NCOA2: variants seen among roughly 807,000 people sequenced by gnomAD.
NCOA2 encodes the protein nuclear receptor coactivator 2.
NCOA2 carries 21 observed loss-of-function variants against 145.1 expected under a neutral mutation model. The observed-to-expected ratio is 0.14, with a 90% CI of 0.10 to 0.21. The LOEUF (loss-of-function observed/expected upper bound fraction) is 0.21, where lower values mean the gene tolerates loss of function less well. NCOA2 is among the 10% of genes least tolerant of loss of function. The probability of loss-of-function intolerance (pLI) is 1.00; values close to 1 mark genes in which losing one functional copy is unlikely to be tolerated. For synonymous variants in NCOA2, 619 were observed against 637.5 expected (o/e 0.97, Z 0.44); for missense variants, 1,472 against 1,837.6 (o/e 0.80, Z 3.64).
At chr8:70,184,273 T>A (rs1815800523) in intron 4 of NCOA2, among the ~76,000 whole-genome samples, 1 of 152,188 alleles carries the variant, frequency 6.6e-6, no homozygotes, top group Admixed American at 6.5e-5. Context: ...CAGATTCTCA[T>A]CTAGGAAGTT....
chr8:70,430,742 G>A, the NCOA2 span, among the ~76,000 whole-genome samples: 2 of 152,158 alleles, frequency 1.3e-5, no homozygotes, highest in Non-Finnish European at 2.9e-5. Context: ...TTGGAGTGAG[G>A]AGGAAGACAC....
chr8:70,380,010 C>T lies in NCOA2; in HGVS notation c.-77+23690G>A, dbSNP rs16936959. Among the ~76,000 whole-genome samples the T allele has an allele frequency of 3.9e-3, 590 of 152,090 alleles. 10 individuals carry two copies. Among genetic ancestry groups the T allele is most frequent in the African/African-American group, 0.014 (565 of 41,460 alleles). On this transcript the variant is annotated intron_variant, in intron 1 of 22. Coordinates refer to ENST00000452400, the MANE Select transcript of NCOA2 (RefSeq NM_006540.4). ...TAATGAGGCTCAAAAAAAAGGCAGT[C>T]GGATTAGTTCTAAGTGCTCTGAATA...
At chr8:70,279,710 G>T (rs996371953) in intron 2 of NCOA2, among the ~76,000 whole-genome samples, 1 of 152,204 alleles carries the variant, frequency 6.6e-6, no homozygotes, top group Non-Finnish European at 1.5e-5. Flanking sequence ...ACATGGACCA[G>T]TGAGAGTCAT....
At chr8:70,121,271 C>T in intron 22 of NCOA2, 31 bp downstream of exon 22, 1 of 1,560,984 alleles carries the variant, frequency 6.4e-7, no homozygotes, top group Non-Finnish European at 8.8e-7. Context: ...GCTTTACTTC[C>T]ATATTCATAT....
intron 12 of NCOA2, among the ~76,000 whole-genome samples, chr8:70,147,120 G>T (rs573646242): frequency 2.0e-5 from 3 of 150,574 alleles, no homozygotes; most frequent in Non-Finnish European, 2.9e-5. Flanking sequence ...TCGCGCGCGC[G>T]CGCGCGCGTG....
intron 4 of NCOA2, among the ~76,000 whole-genome samples, chr8:70,180,782 C>CT (rs2132960460): frequency 6.6e-6 from 1 of 152,302 alleles, no homozygotes; most frequent in South Asian, 2.1e-4. Context: ...TCATCACACA[C>CT]TACAGCCTTG....
At chr8:70,187,147 G>A (rs1362482360) in intron 4 of NCOA2, among the ~76,000 whole-genome samples, 1 of 152,190 alleles carries the variant, frequency 6.6e-6, no homozygotes. Context: ...GAAGCAGTGA[G>A]GGCCTTAGAA....
chr8:70,207,338 T>C (rs1818545724), intron 4 of NCOA2, among the ~76,000 whole-genome samples: 1 of 152,140 alleles, frequency 6.6e-6, no homozygotes, highest in Admixed American at 6.5e-5. Flanking sequence ...CCTAAAGCAT[T>C]ATAACACATT....
intron 4 of NCOA2, among the ~76,000 whole-genome samples, chr8:70,207,103 G>A (rs138129364): frequency 9.9e-4 from 151 of 152,110 alleles, no homozygotes; most frequent in African/African-American, 3.2e-3. Context: ...ATAACCATAC[G>A]TTTTATATAT....
At chr8:70,384,106 T>C (rs954756733) in intron 1 of NCOA2, among the ~76,000 whole-genome samples, 1 of 152,180 alleles carries the variant, frequency 6.6e-6, no homozygotes, top group East Asian at 1.9e-4. Flanking sequence ...AGAACCAACT[T>C]ATCCCTATGG....
intron 4 of NCOA2, among the ~76,000 whole-genome samples, chr8:70,206,567 G>A (rs1000852657): frequency 6.6e-6 from 1 of 152,014 alleles, no homozygotes; most frequent in African/African-American, 2.4e-5. Context: ...TCCAAATATA[G>A]AGTATCTCTA....
chr8:70,277,155 T>C (rs1825527693), intron 2 of NCOA2, among the ~76,000 whole-genome samples: 1 of 152,212 alleles, frequency 6.6e-6, no homozygotes, highest in Non-Finnish European at 1.5e-5. Flanking sequence ...TTTGTTTTTT[T>C]TCCTAATTGC....
intron 1 of NCOA2, among the ~76,000 whole-genome samples, chr8:70,348,665 G>A (rs995741665): frequency 6.6e-6 from 1 of 152,170 alleles, no homozygotes; most frequent in Non-Finnish European, 1.5e-5. Flanking sequence ...GCACATGTAA[G>A]ATAAGAGAGA....
chr8:70,168,858 A>T (rs1021441502), intron 6 of NCOA2, among the ~76,000 whole-genome samples: 2 of 152,244 alleles, frequency 1.3e-5, no homozygotes, highest in African/African-American at 4.8e-5. Context: ...GTTACTTGAA[A>T]TAAGAAATCC....
the NCOA2 span, among the ~76,000 whole-genome samples, chr8:70,434,852 C>G: frequency 2.0e-5 from 3 of 152,100 alleles, no homozygotes; most frequent in Admixed American, 1.3e-4. Flanking sequence ...TCATCCACTC[C>G]CATGATTTTG....
intron 2 of NCOA2, among the ~76,000 whole-genome samples, chr8:70,280,208 C>T (rs1825769372): frequency 6.6e-6 from 1 of 152,178 alleles, no homozygotes; most frequent in African/African-American, 2.4e-5. Context: ...TGCCTCAGAG[C>T]TGAGTTTCTA....
chr8:70,349,443 C>A (rs1369329560), intron 1 of NCOA2, among the ~76,000 whole-genome samples: 2 of 152,014 alleles, frequency 1.3e-5, no homozygotes, highest in South Asian at 4.2e-4. Context: ...TGAATTTTTA[C>A]CTGAGATCCC....
chr8:70,205,039 G>C (rs1818293326), intron 4 of NCOA2, among the ~76,000 whole-genome samples: 1 of 152,124 alleles, frequency 6.6e-6, no homozygotes, highest in Non-Finnish European at 1.5e-5. Context: ...CCAAGGGTTA[G>C]GTAGATAATA....
intron 4 of NCOA2, among the ~76,000 whole-genome samples, chr8:70,212,263 A>G (rs1354983767): frequency 6.6e-6 from 1 of 152,110 alleles, no homozygotes; most frequent in Non-Finnish European, 1.5e-5. Flanking sequence ...AATAACTTTA[A>G]CCAATTATTT....
Sources: gnomAD v4.1 joint callset for allele counts (sites outside exome capture counted in the v4.1 genomes callset) on GRCh38, gnomAD v4.1.1 for gene constraint, MANE v1.5 for transcripts, NCBI Gene and HGNC (gene_info 2026-07-23, HGNC 2026-07-21) for gene names.